The following IKZF2 variants were observed in gnomAD, a reference collection of about 807,000 sequenced individuals.
The protein encoded by IKZF2 is IKAROS family zinc finger 2.
IKZF2 carries 15 observed loss-of-function variants against 49.2 expected under a neutral mutation model. That is an observed-to-expected ratio of 0.30 (90% CI 0.20 to 0.47). IKZF2 has a LOEUF of 0.47. Among genes scored for constraint, IKZF2 ranks in the 20% least tolerant of loss-of-function variants. IKZF2 has a pLI of 1.00. For missense variants in IKZF2, 567 were observed against 664.6 expected, an observed-to-expected ratio of 0.85 and a Z score of 1.61; for synonymous variants, 227 against 221.4, an observed-to-expected ratio of 1.03 and a Z score of -0.23.
At chr2:213,093,318 C>T (rs1165811779) in intron 4 of IKZF2, among the ~76,000 whole-genome samples, 2 of 152,144 alleles carry the variant, frequency 1.3e-5, no homozygotes, top group Non-Finnish European at 2.9e-5. Flanking sequence ...CATCTCCCTC[C>T]ATAGCAGGCT....
At position 213,120,646 on chromosome 2, in the gene IKZF2, G is replaced by T. The variant is rs115969138; in HGVS notation, c.139+27062C>A. ...AAACAAATTTTTGTAATAGAAGTAG[G>T]TGACAAAACTACAGAAAGGCAATGA... On this transcript the variant is annotated intron_variant, in intron 4 of 8. Transcript: ENST00000434687. Among the ~76,000 whole-genome samples, 1,432 of 152,276 alleles carry T rather than the reference G, an allele frequency of 9.4e-3. 27 individuals are homozygous for T. Among genetic ancestry groups the T allele is most frequent in the African/African-American group, 0.033 (1,363 of 41,550 alleles).
chr2:213,119,653 T>C (rs1171894369), intron 4 of IKZF2, among the ~76,000 whole-genome samples: 2 of 152,214 alleles, frequency 1.3e-5, no homozygotes, highest in Non-Finnish European at 2.9e-5. Context: ...ATATCCATCT[T>C]AGTCAGCTCT....
At chr2:213,145,835 T>C (rs550979785) in intron 4 of IKZF2, among the ~76,000 whole-genome samples, 26 of 140,718 alleles carry the variant, frequency 1.8e-4, no homozygotes, top group Admixed American at 1.5e-3. Context: ...TGCCACAGGC[T>C]AGTAAGTTAA....
At chr2:213,108,422 C>T (rs991831544) in intron 4 of IKZF2, among the ~76,000 whole-genome samples, 2 of 152,096 alleles carry the variant, frequency 1.3e-5, no homozygotes, top group Non-Finnish European at 2.9e-5. Flanking sequence ...ACAGAGGGGC[C>T]AGCTTCTAAA....
At chr2:213,059,534 T>C (rs1574668031) in intron 4 of IKZF2, among the ~76,000 whole-genome samples, 1 of 151,706 alleles carries the variant, frequency 6.6e-6, no homozygotes, top group African/African-American at 2.4e-5. Context: ...CCATTTAAAA[T>C]TAAAATTAAG....
At chr2:213,036,735 T>C (rs1574571169) in intron 6 of IKZF2, among the ~76,000 whole-genome samples, 1 of 152,202 alleles carries the variant, frequency 6.6e-6, no homozygotes, top group South Asian at 2.1e-4. Flanking sequence ...TCTAAATATA[T>C]TTTACATGCT....
chr2:213,113,592 C>A (rs1341270876), intron 4 of IKZF2, among the ~76,000 whole-genome samples: 2 of 152,142 alleles, frequency 1.3e-5, no homozygotes, highest in Non-Finnish European at 2.9e-5. Context: ...CCTAACTCTG[C>A]AAATGTCTGT....
intron 6 of IKZF2, among the ~76,000 whole-genome samples, chr2:213,036,189 C>CTAATCCAATAA (rs1699005202): frequency 6.6e-6 from 1 of 151,932 alleles, no homozygotes; most frequent in Non-Finnish European, 1.5e-5. Flanking sequence ...TGTTTGAAAT[C>CTAATCCAATAA]TAATCCAATA....
Position 213,094,569 on chromosome 2 carries a change from C to G in IKZF2, c.140-37470G>C, listed in dbSNP as rs1705750344. ...GCACACTGAGGCTGAGATGCGCAGGCTGGGACACAGGCTGGTTAGCCAGTT... is the reference window on the plus strand; with the variant it reads ...GCACACTGAGGCTGAGATGCGCAGGGTGGGACACAGGCTGGTTAGCCAGTT... On this transcript the variant is annotated intron_variant, in intron 4 of 8. Transcript: ENST00000434687. Among the ~76,000 whole-genome samples the G allele has an allele frequency of 1.3e-5, 2 of 152,100 alleles. 1 individual carries two copies. The highest frequency in any genetic ancestry group is 4.1e-4 in the South Asian group (2 of 4,824).
chr2:213,049,416 G>A (rs930383463), intron 6 of IKZF2, among the ~76,000 whole-genome samples: 3 of 151,914 alleles, frequency 2.0e-5, no homozygotes, highest in African/African-American at 7.3e-5. Context: ...CATAATGACT[G>A]CATTCTTAAT....
intron 4 of IKZF2, among the ~76,000 whole-genome samples, chr2:213,089,090 C>T (rs1427806241): frequency 6.6e-6 from 1 of 152,170 alleles, no homozygotes; most frequent in Non-Finnish European, 1.5e-5. Flanking sequence ...CTAGGAATGA[C>T]TCTCAAGCTT....
rs1275310083 is a variant in IKZF2, at chr2:213,057,067, C to T, written c.172G>A (p.Glu58Lys). Reference sequence around the variant, plus strand: ...CTCAGGGGTTTCCTGTCACACTCTTCATCACTCTGCATTTCTAGCTTTACT... The same window carrying T: ...CTCAGGGGTTTCCTGTCACACTCTTTATCACTCTGCATTTCTAGCTTTACT... The part of the protein sequence containing the change: ...NSVKLEMQSD[E>K]ECDRKPLSRE... The change falls in exon 5 of 9, where the codon GAA becomes AAA. Residue 58 changes from glutamate (E) to lysine (K), a missense_variant. Transcript: ENST00000434687. The T allele has an allele frequency of 6.2e-7, 1 of 1,613,244 alleles. No homozygotes were observed. The highest frequency in any genetic ancestry group is 8.5e-7 in the Non-Finnish European group (1 of 1,179,666).
At position 213,029,538 on chromosome 2, in the gene IKZF2, T is replaced by C. The variant is rs996576973; in HGVS notation, c.575-7408A>G. On this transcript the variant is annotated intron_variant, in intron 6 of 8. Coordinates refer to ENST00000434687, the MANE Select transcript of IKZF2 (RefSeq NM_001387220.1). The stretch of plus-strand genomic sequence containing the variant: ...TGCCAAATTATGTGTTCTTTTAATA[T>C]TGATTGATCTTGCTAGAGGTTTATC... Among the ~76,000 whole-genome samples the C allele has an allele frequency of 3.3e-5, 5 of 152,042 alleles. No individual in the cohort carries two copies. In the South Asian group the frequency reaches 8.3e-4, roughly 25 times the overall value.
intron 5 of IKZF2, among the ~76,000 whole-genome samples, chr2:213,050,500 G>T (rs1303934405): frequency 6.6e-6 from 1 of 152,160 alleles, no homozygotes. Flanking sequence ...AAATGAACCA[G>T]CTTACAAAGC....
chr2:213,074,937 CG>C (rs1358380484), intron 4 of IKZF2, among the ~76,000 whole-genome samples: 1 of 152,092 alleles, frequency 6.6e-6, no homozygotes, highest in African/African-American at 2.4e-5. Context: ...CCTGAAAAGG[CG>C]GTTTGTTTTC....
chr2:213,107,832 T>C (rs118187986), intron 4 of IKZF2, among the ~76,000 whole-genome samples: 2,382 of 152,248 alleles, frequency 0.016, 33 homozygotes, highest in East Asian at 0.059. Context: ...CAGAACACAA[T>C]GCATGCTGAA....
At chr2:213,149,266 T>C (rs1277917468) in intron 2 of IKZF2, among the ~76,000 whole-genome samples, 2 of 152,130 alleles carry the variant, frequency 1.3e-5, no homozygotes, top group Admixed American at 6.5e-5. Flanking sequence ...TGCCAGACCA[T>C]GCTTGGACAC....
rs547307585 is a variant in IKZF2, at chr2:213,147,681, A to AC, written c.139+26_139+27insG. The AC allele has an allele frequency of 3.1e-3, 4,815 of 1,533,178 alleles. 41 individuals carry two copies. Among genetic ancestry groups the AC allele is most frequent in the East Asian group, 0.018 (797 of 43,760 alleles). The allele number at this position is 1,533,178 out of a possible 1,614,324, so 95.0% of individuals were successfully genotyped here. ...GTTGCTGGAGAGACACACACACACA[A>AC]AAAAAAATCATAAAATGAAGACTTA... On this transcript the variant is annotated intron_variant, in intron 4 of 8. Transcript: ENST00000434687.
At chr2:213,082,109 A>C (rs1217752709) in intron 4 of IKZF2, among the ~76,000 whole-genome samples, 1 of 152,228 alleles carries the variant, frequency 6.6e-6, no homozygotes, top group Non-Finnish European at 1.5e-5. Context: ...TGAAATATCT[A>C]GGATTTTGAT....
Sources: allele counts gnomAD v4.1 joint callset (sites outside exome capture counted in the v4.1 genomes callset), GRCh38; gene constraint gnomAD v4.1.1; transcripts MANE v1.5; gene names NCBI Gene and HGNC (gene_info 2026-07-23, HGNC 2026-07-21).